The following KIAA0825 variants were observed in gnomAD, a reference collection of about 807,000 sequenced individuals.
KIAA0825 encodes uncharacterized protein KIAA0825.
A neutral mutation model predicts 147.6 loss-of-function variants in KIAA0825; 119 were observed. That is an observed-to-expected ratio of 0.81 (90% CI 0.69 to 0.94). KIAA0825 has a LOEUF of 0.94. KIAA0825 is among the 40% of genes least tolerant of loss of function. The pLI is 0.00. For missense variants in KIAA0825, 1,381 were observed against 1,472.7 expected (o/e 0.94, Z 1.02); for synonymous variants, 470 against 518.1 (o/e 0.91, Z 1.26).
intron 1 of KIAA0825, among the ~76,000 whole-genome samples, chr5:94,588,309 T>C (rs931825635): frequency 6.6e-6 from 1 of 152,128 alleles, no homozygotes; most frequent in African/African-American, 2.4e-5. Flanking sequence ...AAAGGGCTAA[T>C]ATCCAGAATC....
intron 15 of KIAA0825, chr5:94,415,139 G>A (rs1049101477): frequency 6.6e-6 from 1 of 152,122 alleles, no homozygotes; most frequent in African/African-American, 2.4e-5. Flanking sequence ...TCAACAATAA[G>A]ATGAAGATAC....
At chr5:94,220,064 A>C (rs1292002265) in intron 20 of KIAA0825, among the ~76,000 whole-genome samples, 3 of 152,216 alleles carry the variant, frequency 2.0e-5, no homozygotes, top group African/African-American at 4.8e-5. Context: ...TACATTGTAT[A>C]GCTGTGCAAA....
At chr5:94,393,014 A>G (rs1437537219) in intron 17 of KIAA0825, among the ~76,000 whole-genome samples, 1 of 151,504 alleles carries the variant, frequency 6.6e-6, no homozygotes, top group East Asian at 1.9e-4. Context: ...CGGGTTTTGT[A>G]GAGGCTGACA....
chr5:94,613,129 A>C (rs1789356383), intron 1 of KIAA0825, among the ~76,000 whole-genome samples: 1 of 152,182 alleles, frequency 6.6e-6, no homozygotes, highest in Admixed American at 6.5e-5. Flanking sequence ...TTGAACTTTT[A>C]TAGTTGTTAA....
At chr5:94,161,961 A>G (rs1767621042) in intron 20 of KIAA0825, among the ~76,000 whole-genome samples, 1 of 152,204 alleles carries the variant, frequency 6.6e-6, no homozygotes, top group South Asian at 2.1e-4. Flanking sequence ...TTATGTTGTT[A>G]GAAGCAAGAA....
intron 2 of KIAA0825, among the ~76,000 whole-genome samples, chr5:94,544,761 T>C (rs1278700545): frequency 6.6e-6 from 1 of 152,134 alleles, no homozygotes; most frequent in Non-Finnish European, 1.5e-5. Flanking sequence ...CTTTTGAACA[T>C]CTGAAATTGA....
intron 20 of KIAA0825, among the ~76,000 whole-genome samples, chr5:94,186,522 T>C (rs930890666): frequency 2.0e-5 from 3 of 152,238 alleles, no homozygotes; most frequent in Non-Finnish European, 4.4e-5. Flanking sequence ...TTATTTATGA[T>C]GTAAAGCAAA....
chr5:94,213,747 C>A (rs539627485), intron 20 of KIAA0825, among the ~76,000 whole-genome samples: 1 of 152,148 alleles, frequency 6.6e-6, no homozygotes, highest in Admixed American at 6.6e-5. Flanking sequence ...CATCTCTGCC[C>A]CTTCCCTCTA....
At chr5:94,293,451 TTTGA>T (rs2150169901) in intron 20 of KIAA0825, among the ~76,000 whole-genome samples, 2 of 152,350 alleles carry the variant, frequency 1.3e-5, no homozygotes, top group East Asian at 3.9e-4. Context: ...TGAGTTCTAA[TTTGA>T]TTGCACTGTG....
At chr5:94,430,512 G>A (rs946024850) in intron 14 of KIAA0825, among the ~76,000 whole-genome samples, 2 of 152,050 alleles carry the variant, frequency 1.3e-5, no homozygotes, top group Non-Finnish European at 2.9e-5. Flanking sequence ...CATCAAGTGC[G>A]CAATTTACTC....
chr5:94,253,286 C>T (rs1776067687), intron 20 of KIAA0825, among the ~76,000 whole-genome samples: 1 of 152,060 alleles, frequency 6.6e-6, no homozygotes, highest in African/African-American at 2.4e-5. Flanking sequence ...TCAGTATAAA[C>T]TGCTTCTGTT....
chr5:94,316,920 T>C (rs1294001985), intron 20 of KIAA0825, among the ~76,000 whole-genome samples: 3 of 151,850 alleles, frequency 2.0e-5, no homozygotes, highest in African/African-American at 7.2e-5. Flanking sequence ...TTCAGACCTC[T>C]AATCAAAACC....
chr5:94,276,483 C>T (rs1210038858), intron 20 of KIAA0825, among the ~76,000 whole-genome samples: 1 of 151,996 alleles, frequency 6.6e-6, no homozygotes, highest in Non-Finnish European at 1.5e-5. Context: ...AGAGGTGTAG[C>T]AGAAAGAGTG....
intron 5 of KIAA0825, among the ~76,000 whole-genome samples, chr5:94,500,453 G>A (rs1009463818): frequency 2.0e-5 from 3 of 152,138 alleles, no homozygotes; most frequent in East Asian, 1.9e-4. Flanking sequence ...TTCTTTTGAC[G>A]GTGAGGAGCA....
intron 20 of KIAA0825, among the ~76,000 whole-genome samples, chr5:94,180,746 C>T (rs751710470): frequency 5.3e-5 from 8 of 152,098 alleles, no homozygotes; most frequent in Non-Finnish European, 1.0e-4. Flanking sequence ...CTATTTTCAT[C>T]TTTCTTGAAA....
intron 1 of KIAA0825, among the ~76,000 whole-genome samples, chr5:94,597,525 T>C (rs543359144): frequency 1.4e-4 from 22 of 152,256 alleles, no homozygotes; most frequent in Middle Eastern, 3.4e-3. Context: ...TGTTTGAAAG[T>C]AATTAATAGC....
At chr5:94,408,391 C>G (rs556276105) in intron 15 of KIAA0825, among the ~76,000 whole-genome samples, 13 of 151,922 alleles carry the variant, frequency 8.6e-5, no homozygotes, top group African/African-American at 2.9e-4. Context: ...CTCTTGTTGC[C>G]CAGGCTGGAA....
chr5:94,375,034 T>TC (rs750490679), intron 20 of KIAA0825, among the ~76,000 whole-genome samples: 31 of 19,732 alleles, frequency 1.6e-3, no homozygotes, highest in Non-Finnish European at 3.3e-3. Context: ...TTTCCTTCTC[T>TC]TTTTTTTTTT....
intron 20 of KIAA0825, among the ~76,000 whole-genome samples, chr5:94,282,692 A>G (rs1777517248): frequency 6.6e-6 from 1 of 152,094 alleles, no homozygotes; most frequent in South Asian, 2.1e-4. Context: ...CTCAAGACCA[A>G]GTTGCTTTTC....
Sources: gnomAD v4.1 joint callset for allele counts (sites outside exome capture counted in the v4.1 genomes callset) on GRCh38, gnomAD v4.1.1 for gene constraint, MANE v1.5 for transcripts, NCBI Gene and HGNC (gene_info 2026-07-23, HGNC 2026-07-21) for gene names.